Variants in FER1L6 observed in about 807,000 individuals in gnomAD.
The protein encoded by FER1L6 is fer-1-like protein 6.
In FER1L6, 177 loss-of-function variants were observed where a neutral mutation model predicts 219.2. The observed-to-expected ratio is 0.81, with a 90% confidence interval of 0.71 to 0.91. The LOEUF (loss-of-function observed/expected upper bound fraction) is 0.91. Ranked by LOEUF, FER1L6 falls within the 40% of genes least tolerant of loss-of-function variation. FER1L6 has a pLI of 0.00. For missense variants in FER1L6, 2,153 were observed against 2,259.9 expected, an observed-to-expected ratio of 0.95 and a Z score of 0.96; for synonymous variants, 768 against 824.3, an observed-to-expected ratio of 0.93 and a Z score of 1.17.
intron 1 of FER1L6, among the ~76,000 whole-genome samples, chr8:123,943,845 G>A (rs1413366141): frequency 4.6e-5 from 7 of 152,094 alleles, no homozygotes; most frequent in Non-Finnish European, 8.8e-5. Context: ...GGGCTTGGGT[G>A]TCAGACTGCT....
intron 33 of FER1L6, among the ~76,000 whole-genome samples, chr8:124,089,777 T>C (rs1326899028): frequency 2.6e-5 from 4 of 152,332 alleles, no homozygotes; most frequent in South Asian, 2.1e-4. Context: ...ATATGTTCCA[T>C]GCTATTTTCT....
At chr8:123,919,017 C>G (rs1009058572) in intron 1 of FER1L6, among the ~76,000 whole-genome samples, 10 of 152,046 alleles carry the variant, frequency 6.6e-5, no homozygotes, top group African/African-American at 2.4e-4. Flanking sequence ...GGGATCCTGC[C>G]CCAGGGGAGG....
intron 1 of FER1L6, among the ~76,000 whole-genome samples, chr8:123,903,706 T>C (rs1812898706): frequency 1.3e-5 from 2 of 152,130 alleles, no homozygotes; most frequent in African/African-American, 4.8e-5. Context: ...TACGCTTACG[T>C]ATGTTCACAT....
intron 39 of FER1L6, among the ~76,000 whole-genome samples, chr8:124,116,042 T>G (rs1369141184): frequency 6.6e-6 from 1 of 152,184 alleles, no homozygotes; most frequent in Non-Finnish European, 1.5e-5. Flanking sequence ...AACAGCACAT[T>G]TATTCATTAT....
intron 18 of FER1L6, among the ~76,000 whole-genome samples, chr8:124,024,058 A>G (rs1586604991): frequency 6.6e-6 from 1 of 151,680 alleles, no homozygotes; most frequent in Non-Finnish European, 1.5e-5. Flanking sequence ...CACCATGCCT[A>G]GCTAATTTTT....
intron 18 of FER1L6, among the ~76,000 whole-genome samples, chr8:124,034,639 G>T (rs1328847199): frequency 1.3e-5 from 2 of 152,232 alleles, no homozygotes; most frequent in Non-Finnish European, 2.9e-5. Flanking sequence ...AGACCACACT[G>T]CATGAGGAAG....
At chr8:123,952,309 C>T (rs1372940668) in intron 1 of FER1L6, among the ~76,000 whole-genome samples, 2 of 152,178 alleles carry the variant, frequency 1.3e-5, no homozygotes, top group African/African-American at 2.4e-5. Context: ...TTTCTTGTGC[C>T]AGGCTGGCTG....
At position 124,030,761 on chromosome 8, in the gene FER1L6, C is replaced by T. The variant is rs542918022; in HGVS notation, c.2287-4516C>T. 6.6e-5 allele frequency among the ~76,000 whole-genome samples: 10 copies of T among 152,192 alleles called. No homozygotes were observed. The South Asian group carries it at 1.9e-3, about 28-fold the overall frequency. Reference sequence around the variant, plus strand: ...TAAATAGCACCTTTCTCTGTCCTGCCACAGAGTAAAACCTCTACCACATAA... The same window carrying T: ...TAAATAGCACCTTTCTCTGTCCTGCTACAGAGTAAAACCTCTACCACATAA... On this transcript the variant is annotated intron_variant, in intron 18 of 40. Transcript: ENST00000522917.
intron 1 of FER1L6, among the ~76,000 whole-genome samples, chr8:123,946,858 G>T (rs1019093072): frequency 6.6e-6 from 1 of 151,998 alleles, no homozygotes; most frequent in African/African-American, 2.4e-5. Flanking sequence ...ACAAAGACAC[G>T]GAAATGACTT....
chr8:124,030,628 A>G (rs554568390), intron 18 of FER1L6, among the ~76,000 whole-genome samples: 98 of 152,156 alleles, frequency 6.4e-4, no homozygotes, highest in African/African-American at 2.3e-3. Flanking sequence ...CCTCACTCCC[A>G]TCGCCATCCC....
intron 1 of FER1L6, among the ~76,000 whole-genome samples, chr8:123,906,372 G>C (rs1027756959): frequency 6.6e-6 from 1 of 152,110 alleles, no homozygotes; most frequent in African/African-American, 2.4e-5. Context: ...ATAATTTCCA[G>C]ACATAGGAAA....
At chr8:124,018,463 C>T (rs1419179876) in intron 16 of FER1L6, among the ~76,000 whole-genome samples, 4 of 152,204 alleles carry the variant, frequency 2.6e-5, no homozygotes, top group Non-Finnish European at 4.4e-5. Flanking sequence ...ATCCATCCTT[C>T]GTCCCAGAAT....
At chr8:124,079,427 A>G (rs1189692562) in intron 32 of FER1L6, among the ~76,000 whole-genome samples, 2 of 150,570 alleles carry the variant, frequency 1.3e-5, no homozygotes, top group African/African-American at 4.9e-5. Context: ...ATCTTCTTCA[A>G]TTAAAGTCAA....
intron 1 of FER1L6, among the ~76,000 whole-genome samples, chr8:123,868,000 C>A (rs1271514501): frequency 6.6e-6 from 1 of 152,102 alleles, no homozygotes; most frequent in East Asian, 1.9e-4. Flanking sequence ...CTTTTTTGCC[C>A]ATTTTTATGC....
At chr8:124,019,564 A>G (rs1818364132) in intron 16 of FER1L6, among the ~76,000 whole-genome samples, 1 of 152,052 alleles carries the variant, frequency 6.6e-6, no homozygotes, top group South Asian at 2.1e-4. Flanking sequence ...TGTGCCACAC[A>G]CTCCTCTAGA....
chr8:124,012,294 AG>A (rs1344247594), intron 14 of FER1L6, among the ~76,000 whole-genome samples: 2 of 152,232 alleles, frequency 1.3e-5, no homozygotes, highest in African/African-American at 4.8e-5. Context: ...AGTGGTCAGG[AG>A]GCCTAGTCTG....
At chr8:123,986,239 A>G in intron 12 of FER1L6, 63 bp downstream of exon 12, 2 of 1,013,268 alleles carry the variant, frequency 2.0e-6, no homozygotes, top group Non-Finnish European at 3.1e-6. Context: ...TTCTTGAATA[A>G]ATGAGTTAGT....
intron 16 of FER1L6, among the ~76,000 whole-genome samples, chr8:124,020,041 CTG>C (rs1242238967): frequency 2.6e-5 from 4 of 152,248 alleles, no homozygotes; most frequent in Middle Eastern, 3.4e-3. Context: ...GAGGGATCTG[CTG>C]GGAGGTAATT....
At chr8:123,865,633 A>G (rs1256861391) in intron 1 of FER1L6, among the ~76,000 whole-genome samples, 10 of 151,042 alleles carry the variant, frequency 6.6e-5, no homozygotes, top group Non-Finnish European at 2.9e-5. Context: ...AATCAGCGAG[A>G]TTCCGTGGGC....
Sources: allele counts gnomAD v4.1 joint callset (sites outside exome capture counted in the v4.1 genomes callset), GRCh38; gene constraint gnomAD v4.1.1; transcripts MANE v1.5; gene names NCBI Gene and HGNC (gene_info 2026-07-23, HGNC 2026-07-21).